Variants in TAB2 observed in about 807,000 individuals in gnomAD.
The protein encoded by TAB2 is TGF-beta activated kinase 1 (MAP3K7) binding protein 2.
Under a neutral mutation model 65.0 loss-of-function variants are expected in TAB2, and 3 were observed. The ratio of observed to expected loss-of-function variants is 0.05; its 90% CI spans 0.02 to 0.12. The LOEUF (loss-of-function observed/expected upper bound fraction) is 0.12, where lower values mean the gene tolerates loss of function less well. TAB2 is among the 10% of genes least tolerant of loss of function. The pLI is 1.00. For synonymous variants in TAB2, 298 were observed against 285.1 expected (o/e 1.05, Z -0.46); for missense variants, 623 against 840.3 (o/e 0.74, Z 3.20).
intron 1 of TAB2, chr6:149,303,981 G>T (rs1231652355): frequency 6.6e-6 from 1 of 152,280 alleles, no homozygotes; most frequent in Non-Finnish European, 1.5e-5. Flanking sequence ...GGAGTGCAGA[G>T]GTGGCATTTC....
At chr6:149,330,956 T>C (rs1191131021) in intron 1 of TAB2, among the ~76,000 whole-genome samples, 1 of 152,190 alleles carries the variant, frequency 6.6e-6, no homozygotes, top group East Asian at 1.9e-4. Context: ...ATTTCTGGAT[T>C]CTCTGTTCTG....
rs150204735 is a variant in TAB2, at chr6:149,350,617, CTTTTTTTT to C, written c.-89-19275_-89-19268del. 2.5e-4 allele frequency among the ~76,000 whole-genome samples: 23 copies of C among 92,502 alleles called. No individual in the cohort carries two copies. In the East Asian group the frequency reaches 6.6e-3, roughly 27 times the overall value. 60.7% of individuals were successfully genotyped at this position (92,502 alleles called of 152,430 possible). On this transcript the variant is annotated intron_variant, in intron 1 of 6. Coordinates refer to ENST00000637181, the MANE Select transcript of TAB2 (RefSeq NM_001292034.3). ...ATTCGGCATGAACCATATTTTATGT[CTTTTTTTT>C]TTTTTTTTTTTTTTTTAAGAGCTCA...
chr6:149,344,089 C>T (rs1780213878), intron 1 of TAB2, among the ~76,000 whole-genome samples: 1 of 152,088 alleles, frequency 6.6e-6, no homozygotes, highest in South Asian at 2.1e-4. Context: ...GATTATGTGC[C>T]ACATTATTTG....
Position 149,356,112 on chromosome 6 carries a change from T to C in TAB2, c.-89-13797T>C, listed in dbSNP as rs918351499. Among the ~76,000 whole-genome samples the C allele has an allele frequency of 2.0e-5, 3 of 152,372 alleles. No homozygotes were observed. The East Asian group carries it at 5.8e-4, about 29-fold the overall frequency. On this transcript the variant is annotated intron_variant, in intron 1 of 6. Transcript: ENST00000637181. ...TCTGATACCTCCTAATTTAATCGTA[T>C]TTCCTAATGTCCTAGAGAATTCCAA...
At chr6:149,309,217 T>C (rs1779124225) in intron 1 of TAB2, among the ~76,000 whole-genome samples, 1 of 152,204 alleles carries the variant, frequency 6.6e-6, no homozygotes, top group South Asian at 2.1e-4. Flanking sequence ...ATTATGACAA[T>C]CATAGCAACA....
intron 6 of TAB2, among the ~76,000 whole-genome samples, chr6:149,403,317 C>CAA: frequency 1.1e-5 from 1 of 89,276 alleles, no homozygotes; most frequent in African/African-American, 4.5e-5. Flanking sequence ...TATATATACA[C>CAA]ACACATATAT....
At chr6:149,296,577 G>A (rs1396651578) in intron 1 of TAB2, among the ~76,000 whole-genome samples, 1 of 152,018 alleles carries the variant, frequency 6.6e-6, no homozygotes, top group Non-Finnish European at 1.5e-5. Context: ...GAAGGAGAGG[G>A]GAAATTGATT....
chr6:149,263,340 C>T (rs1244461302), intron 1 of TAB2, among the ~76,000 whole-genome samples: 1 of 152,132 alleles, frequency 6.6e-6, no homozygotes, highest in African/African-American at 2.4e-5. Context: ...TGGTAGTTAT[C>T]TATATCGAAA....
rs570231834 is a variant in TAB2, at chr6:149,278,949, G to A, written c.-121+60173G>A. Among the ~76,000 whole-genome samples the A allele has an allele frequency of 2.8e-4, 42 of 152,124 alleles. No individual in the cohort carries two copies. The East Asian group carries it at 7.9e-3, about 29-fold the overall frequency. Reference sequence around the variant, plus strand: ...ATAAAGAATGAAAGAAGGAACAAATGATAAAAGAAGAAATAAAGTTTCCGT... The same window carrying A: ...ATAAAGAATGAAAGAAGGAACAAATAATAAAAGAAGAAATAAAGTTTCCGT... On this transcript the variant is annotated intron_variant, in intron 1 of 1. Transcript: ENST00000606202.
chr6:149,371,065 CA>C (rs33926884), intron 2 of TAB2, among the ~76,000 whole-genome samples: 16,301 of 71,330 alleles, frequency 0.23, 570 homozygotes, highest in African/African-American at 0.3. Context: ...GACCCTATCT[CA>C]AAAAAAAAAA....
chr6:149,228,690 C>T lies in TAB2; in HGVS notation c.-121+9914C>T, dbSNP rs1777336533. Among the ~76,000 whole-genome samples the T allele has an allele frequency of 2.0e-5, 3 of 152,352 alleles. No individual in the cohort carries two copies. The South Asian group carries it at 6.2e-4, about 32-fold the overall frequency. On this transcript the variant is annotated intron_variant, in intron 1 of 1. Coordinates refer to the TAB2 transcript ENST00000606202. Reference sequence around the variant, plus strand: ...GCTACAGCAATGTGCGCTGGCAAAGCAGAGGAAAAATAATTAAAAGAGCCT... The same window carrying T: ...GCTACAGCAATGTGCGCTGGCAAAGTAGAGGAAAAATAATTAAAAGAGCCT...
chr6:149,364,954 G>C (rs1780992326), intron 1 of TAB2, among the ~76,000 whole-genome samples: 1 of 151,576 alleles, frequency 6.6e-6, no homozygotes, highest in African/African-American at 2.4e-5. Context: ...ATCAAAAATT[G>C]TTTACATAAT....
intron 1 of TAB2, among the ~76,000 whole-genome samples, chr6:149,336,504 C>T (rs1044639542): frequency 5.3e-5 from 8 of 152,002 alleles, no homozygotes; most frequent in Admixed American, 2.0e-4. Flanking sequence ...GCACATGTCT[C>T]CGGGGATCTT....
At chr6:149,275,234 GAGAAAGAAAGAAAGAAAGAAAGAAAGAA>G (rs746637120) in intron 1 of TAB2, among the ~76,000 whole-genome samples, 41 of 65,404 alleles carry the variant, frequency 6.3e-4, no homozygotes, top group East Asian at 1.8e-3. Flanking sequence ...GGGAGAGAGA[GAGAAAGAAAGAAAGAAAGAAAGAAAGAA>G]AGAAAGAAAG....
intron 1 of TAB2, among the ~76,000 whole-genome samples, chr6:149,256,247 A>G (rs1336977737): frequency 1.3e-5 from 2 of 152,250 alleles, no homozygotes; most frequent in African/African-American, 4.8e-5. Flanking sequence ...TCATCTCAAA[A>G]CAATAACACA....
chr6:149,405,636 A>G (rs1225982620), intron 6 of TAB2, among the ~76,000 whole-genome samples: 1 of 152,246 alleles, frequency 6.6e-6, no homozygotes, highest in African/African-American at 2.4e-5. Flanking sequence ...GCTAAGTGAC[A>G]TAAGCCGGAG....
intron 1 of TAB2, among the ~76,000 whole-genome samples, chr6:149,253,634 A>AAAAAG (rs1562388943): frequency 2.1e-5 from 3 of 145,972 alleles, no homozygotes; most frequent in African/African-American, 5.2e-5. Context: ...AAAAAAAAAA[A>AAAAAG]AAAAGAAAGC....
intron 1 of TAB2, among the ~76,000 whole-genome samples, chr6:149,335,999 T>C (rs766204895): frequency 3.7e-4 from 56 of 152,294 alleles, no homozygotes; most frequent in Non-Finnish European, 3.5e-4. Context: ...TCCCCCACTT[T>C]TACCCTGCAT....
intron 6 of TAB2, chr6:149,400,424 G>C: frequency 6.2e-7 from 1 of 1,614,230 alleles, no homozygotes. Context: ...AAGAAGTCAA[G>C]ACTGAGAACA....
Sources: gnomAD v4.1 joint callset for allele counts (sites outside exome capture counted in the v4.1 genomes callset) on GRCh38, gnomAD v4.1.1 for gene constraint, MANE v1.5 for transcripts, NCBI Gene and HGNC (gene_info 2026-07-23, HGNC 2026-07-21) for gene names.